TAFA4: variants seen among roughly 807,000 people sequenced by gnomAD.
The protein encoded by TAFA4 is TAFA chemokine like family member 4.
In TAFA4, 20 loss-of-function variants were observed where a neutral mutation model predicts 21.1. That is an observed-to-expected ratio of 0.95 (90% CI 0.67 to 1.38). The LOEUF (loss-of-function observed/expected upper bound fraction) is 1.38, where lower values mean the gene tolerates loss of function less well. Among genes scored for constraint, TAFA4 ranks in the 40% most tolerant of loss-of-function variants. The pLI is 0.00. For synonymous variants in TAFA4, 71 were observed against 67.4 expected, an observed-to-expected ratio of 1.05 and a Z score of -0.26; for missense variants, 211 against 180.9, an observed-to-expected ratio of 1.17 and a Z score of -0.95.
intron 1 of TAFA4, among the ~76,000 whole-genome samples, chr3:68,918,556 G>A (rs764186406): frequency 6.6e-6 from 1 of 152,012 alleles, no homozygotes; most frequent in Non-Finnish European, 1.5e-5. Flanking sequence ...TTATTTGCTC[G>A]AGACAGGGTC....
At chr3:68,785,911 T>C (rs147793419) in intron 3 of TAFA4, among the ~76,000 whole-genome samples, 111 of 152,368 alleles carry the variant, frequency 7.3e-4, no homozygotes, top group African/African-American at 2.5e-3. Context: ...ATTCTACTTC[T>C]AGACATTTGT....
intron 4 of TAFA4, among the ~76,000 whole-genome samples, chr3:68,745,296 C>T (rs1168408296): frequency 2.0e-5 from 3 of 152,134 alleles, no homozygotes; most frequent in African/African-American, 7.2e-5. Context: ...GAACATCTGC[C>T]CACTTTACTG....
chr3:68,916,493 T>A (rs1243602416), intron 1 of TAFA4, among the ~76,000 whole-genome samples: 3 of 152,154 alleles, frequency 2.0e-5, no homozygotes, highest in Admixed American at 2.0e-4. Context: ...TAGATCTACA[T>A]GTAACTCGAA....
chr3:68,846,076 G>A (rs1348915740), intron 3 of TAFA4, among the ~76,000 whole-genome samples: 2 of 152,028 alleles, frequency 1.3e-5, no homozygotes, highest in African/African-American at 4.8e-5. Flanking sequence ...GCTAGGTTGG[G>A]GAAGTTCTCC....
At chr3:68,760,286 A>T (rs935896525) in intron 3 of TAFA4, among the ~76,000 whole-genome samples, 1 of 152,208 alleles carries the variant, frequency 6.6e-6, no homozygotes, top group Non-Finnish European at 1.5e-5. Context: ...ATATACTTTT[A>T]AGAAAAGTTT....
intron 5 of TAFA4, among the ~76,000 whole-genome samples, chr3:68,734,627 C>CT (rs1275379684): frequency 6.6e-6 from 1 of 152,150 alleles, no homozygotes; most frequent in Non-Finnish European, 1.5e-5. Flanking sequence ...ATTCCAAGAT[C>CT]TTTGGCTTGA....
chr3:68,863,442 A>C (rs1026373613), intron 3 of TAFA4, among the ~76,000 whole-genome samples: 1 of 152,178 alleles, frequency 6.6e-6, no homozygotes, highest in Non-Finnish European at 1.5e-5. Flanking sequence ...ATGTATAGAC[A>C]AGAGACACTT....
At chr3:68,882,056 G>T (rs2089624935) in intron 2 of TAFA4, among the ~76,000 whole-genome samples, 1 of 152,116 alleles carries the variant, frequency 6.6e-6, no homozygotes, top group Non-Finnish European at 1.5e-5. Flanking sequence ...TTTGAGATTT[G>T]GTCTGCTTTT....
chr3:68,821,123 A>C (rs1389322959), intron 3 of TAFA4, among the ~76,000 whole-genome samples: 1 of 152,200 alleles, frequency 6.6e-6, no homozygotes, highest in Non-Finnish European at 1.5e-5. Flanking sequence ...AAATTCTATA[A>C]TAATGTCTTC....
chr3:68,909,115 C>T (rs1363475238), intron 1 of TAFA4, among the ~76,000 whole-genome samples: 1 of 152,142 alleles, frequency 6.6e-6, no homozygotes, highest in Non-Finnish European at 1.5e-5. Context: ...CCAAGTCGGG[C>T]TGCACAGCTC....
chr3:68,831,977 T>C (rs185785186), intron 3 of TAFA4, among the ~76,000 whole-genome samples: 1 of 152,208 alleles, frequency 6.6e-6, no homozygotes, highest in South Asian at 2.1e-4. Flanking sequence ...AATTGGCTAC[T>C]GAAGCTTGTG....
intron 1 of TAFA4, among the ~76,000 whole-genome samples, chr3:68,915,221 T>G (rs956490092): frequency 6.6e-6 from 1 of 152,186 alleles, no homozygotes; most frequent in Non-Finnish European, 1.5e-5. Flanking sequence ...GCCCAGTGAG[T>G]GTCTAAGCTC....
intron 3 of TAFA4, among the ~76,000 whole-genome samples, chr3:68,753,460 C>G (rs993105496): frequency 5.3e-5 from 8 of 151,678 alleles, no homozygotes; most frequent in African/African-American, 1.9e-4. Flanking sequence ...CTCAGCCTCC[C>G]GAGTAACTGG....
intron 3 of TAFA4, among the ~76,000 whole-genome samples, chr3:68,774,430 G>C (rs187445187): frequency 6.8e-4 from 104 of 152,060 alleles, no homozygotes; most frequent in Non-Finnish European, 1.3e-3. Flanking sequence ...ACTGCTTGTG[G>C]AAAGGAAAAT....
rs1404418756 is a variant in TAFA4 at position 68,840,495 on chromosome 3, G to C, written c.130+40235C>G. On this transcript the variant is annotated intron_variant, in intron 3 of 5. Coordinates refer to ENST00000295569, the MANE Select transcript of TAFA4 (RefSeq NM_182522.5). ...GCCTCCCAAATTGCTGGGACTGCAG[G>C]TGTGAGCCACAATGCCCAGCCCACT... is the stretch of plus-strand genomic sequence containing the variant. Among the ~76,000 whole-genome samples the C allele has an allele frequency of 3.3e-5, 5 of 152,260 alleles. No individual in the cohort carries two copies. The East Asian group carries it at 9.6e-4, about 29-fold the overall frequency.
chr3:68,905,929 G>A (rs2089896600), intron 1 of TAFA4, among the ~76,000 whole-genome samples: 1 of 152,214 alleles, frequency 6.6e-6, no homozygotes, highest in East Asian at 1.9e-4. Context: ...GCCATCCACG[G>A]ATCACTGAAC....
intron 3 of TAFA4, among the ~76,000 whole-genome samples, chr3:68,773,364 G>C (rs1678532856): frequency 6.6e-6 from 1 of 152,136 alleles, no homozygotes; most frequent in South Asian, 2.1e-4. Flanking sequence ...TCTCCCCTTG[G>C]ATTCAGGGTA....
chr3:68,822,739 C>G (rs950430120), intron 3 of TAFA4, among the ~76,000 whole-genome samples: 1 of 152,118 alleles, frequency 6.6e-6, no homozygotes, highest in African/African-American at 2.4e-5. Context: ...CCCAAAGTGC[C>G]AGGATTGTAG....
chr3:68,819,489 T>C (rs1690403885), intron 3 of TAFA4, among the ~76,000 whole-genome samples: 1 of 152,132 alleles, frequency 6.6e-6, no homozygotes, highest in African/African-American at 2.4e-5. Context: ...TGGGTATTTG[T>C]CATCTATGGC....
Sources: gnomAD v4.1 joint callset for allele counts (sites outside exome capture counted in the v4.1 genomes callset) on GRCh38, gnomAD v4.1.1 for gene constraint, MANE v1.5 for transcripts, NCBI Gene and HGNC (gene_info 2026-07-23, HGNC 2026-07-21) for gene names.